The following CNOT6L variants were observed in gnomAD, a reference collection of about 807,000 sequenced individuals.
CNOT6L encodes CCR4-NOT transcription complex subunit 6 like.
CNOT6L carries 7 observed loss-of-function variants against 64.0 expected under a neutral mutation model. That is an observed-to-expected ratio of 0.11 (90% CI 0.06 to 0.21). The LOEUF (loss-of-function observed/expected upper bound fraction) is 0.21, where lower values mean the gene tolerates loss of function less well. Among genes scored for constraint, CNOT6L ranks in the 10% least tolerant of loss-of-function variants. The pLI, the probability that CNOT6L is intolerant of heterozygous loss-of-function variation, is 1.00. For missense variants in CNOT6L, 245 were observed against 669.0 expected (o/e 0.37, Z 6.99); for synonymous variants, 193 against 243.4 (o/e 0.79, Z 1.93).
intron 1 of CNOT6L, among the ~76,000 whole-genome samples, chr4:77,789,400 G>A (rs899489775): frequency 2.0e-5 from 3 of 151,710 alleles, no homozygotes; most frequent in Non-Finnish European, 2.9e-5. Context: ...AGCCAAAGGG[G>A]AAAAAAAAGT....
intron 8 of CNOT6L, among the ~76,000 whole-genome samples, chr4:77,732,104 G>GT (rs1162639611): frequency 6.6e-6 from 1 of 152,108 alleles, no homozygotes; most frequent in Non-Finnish European, 1.5e-5. Context: ...CAGCTAAAGA[G>GT]TAACTGATTT....
At chr4:77,732,324 TTGG>T (rs1442701890) in intron 8 of CNOT6L, among the ~76,000 whole-genome samples, 2 of 152,144 alleles carry the variant, frequency 1.3e-5, no homozygotes, top group Non-Finnish European at 2.9e-5. Flanking sequence ...CAGTGGGATG[TTGG>T]TGAAGTCATT....
chr4:77,721,322 G>T (rs1721255157), intron 11 of CNOT6L, among the ~76,000 whole-genome samples: 1 of 152,132 alleles, frequency 6.6e-6, no homozygotes, highest in African/African-American at 2.4e-5. Flanking sequence ...TTATCTGTCA[G>T]AGCTAGATGA....
intron 4 of CNOT6L, among the ~76,000 whole-genome samples, chr4:77,757,835 G>T (rs1215356493): frequency 1.3e-5 from 2 of 152,030 alleles, no homozygotes; most frequent in Admixed American, 6.6e-5. Flanking sequence ...AAGCAGATGG[G>T]GACTACAAGT....
intron 1 of CNOT6L, among the ~76,000 whole-genome samples, chr4:77,813,631 G>A (rs909412767): frequency 6.6e-6 from 1 of 152,050 alleles, no homozygotes; most frequent in African/African-American, 2.4e-5. Flanking sequence ...CTCCAAAGAG[G>A]ATATACAAAT....
At chr4:77,748,021 A>C (rs1228113748) in intron 6 of CNOT6L, among the ~76,000 whole-genome samples, 1 of 152,214 alleles carries the variant, frequency 6.6e-6, no homozygotes. Flanking sequence ...TTTTAAAACC[A>C]AGGGCTGCAT....
At chr4:77,749,942 C>T (rs1313304565) in intron 5 of CNOT6L, among the ~76,000 whole-genome samples, 1 of 152,086 alleles carries the variant, frequency 6.6e-6, no homozygotes, top group Non-Finnish European at 1.5e-5. Context: ...ATATCCATTA[C>T]AGCATTGTTT....
At chr4:77,785,175 A>G (rs761123690) in intron 1 of CNOT6L, among the ~76,000 whole-genome samples, 1 of 152,250 alleles carries the variant, frequency 6.6e-6, no homozygotes, top group Non-Finnish European at 1.5e-5. Context: ...CCATAGAGAA[A>G]GCACAGATTT....
At chr4:77,721,588 A>C (rs1311259793) in intron 11 of CNOT6L, among the ~76,000 whole-genome samples, 1 of 152,190 alleles carries the variant, frequency 6.6e-6, no homozygotes, top group African/African-American at 2.4e-5. Flanking sequence ...AATGAAAACA[A>C]ATTTTTTTAT....
At chr4:77,751,016 T>C (rs1724795311) in intron 5 of CNOT6L, among the ~76,000 whole-genome samples, 1 of 152,170 alleles carries the variant, frequency 6.6e-6, no homozygotes, top group Non-Finnish European at 1.5e-5. Context: ...GCACTGGTCA[T>C]ACCAAGAACC....
chr4:77,813,209 A>T (rs1237651751), intron 1 of CNOT6L, among the ~76,000 whole-genome samples: 2 of 152,222 alleles, frequency 1.3e-5, no homozygotes, highest in African/African-American at 4.8e-5. Flanking sequence ...TGGATCAAAG[A>T]TCTAAATGTA....
chr4:77,780,741 T>C (rs1198996512), intron 1 of CNOT6L, among the ~76,000 whole-genome samples: 1 of 133,700 alleles, frequency 7.5e-6, no homozygotes, highest in East Asian at 1.9e-4. Context: ...CTTTAATAAA[T>C]TTGTCTTTGG....
In CNOT6L at chr4:77,713,896, C is replaced by G. The variant is rs956329449; in HGVS notation, c.*6535G>C. 2.0e-5 allele frequency: 3 copies of G among 152,472 alleles called. No individual in the cohort carries two copies. The highest frequency in any genetic ancestry group is 4.4e-5 in the Non-Finnish European group (3 of 68,016). 9.4% of individuals were successfully genotyped at this position (152,472 alleles called of 1,614,324 possible). A position where few individuals can be genotyped will look rare whatever the true frequency, so the allele number is the denominator to read the frequency against. ...GAACCAGTCTATTAAACATTAAACA[C>G]TAGCAAGCTACAATTACATGGCACT... On this transcript the variant is annotated 3_prime_UTR_variant, in exon 12 of 12. Transcript: ENST00000504123.
At chr4:77,722,629 A>G (rs1721408842) in intron 11 of CNOT6L, among the ~76,000 whole-genome samples, 1 of 152,178 alleles carries the variant, frequency 6.6e-6, no homozygotes, top group South Asian at 2.1e-4. Context: ...GGCCCCAAGA[A>G]AAAGTTAAAC....
chr4:77,800,706 T>C (rs547840932), intron 1 of CNOT6L, among the ~76,000 whole-genome samples: 1 of 152,168 alleles, frequency 6.6e-6, no homozygotes, highest in Non-Finnish European at 1.5e-5. Context: ...GGGTTTAGAA[T>C]GTGTATAAGC....
At chr4:77,723,571 C>A (rs1438260865) in intron 11 of CNOT6L, among the ~76,000 whole-genome samples, 1 of 152,184 alleles carries the variant, frequency 6.6e-6, no homozygotes, top group Admixed American at 6.6e-5. Flanking sequence ...GAGCTCAATT[C>A]TCTCTACTCA....
chr4:77,719,271 TGACA>T lies in CNOT6L; in HGVS notation c.*1156_*1159del, dbSNP rs1262961378. ...AACCAGTAGCTTCTTAATTCAACCC[TGACA>T]GACAACTGAAACAAAGATTAAAAGC... On this transcript the variant is annotated 3_prime_UTR_variant, in exon 12 of 12. Coordinates refer to ENST00000504123, the MANE Select transcript of CNOT6L (RefSeq NM_144571.3). 1 of 152,592 alleles carries T rather than the reference TGACA, an allele frequency of 6.6e-6. No individual in the cohort carries two copies. The highest frequency in any genetic ancestry group is 1.5e-5 in the Non-Finnish European group (1 of 68,012). The allele number at this position is 152,592 out of a possible 1,614,324, so 9.5% of individuals were successfully genotyped here. A position where few individuals can be genotyped will look rare whatever the true frequency, so the allele number is the denominator to read the frequency against.
rs760211826 is a variant in CNOT6L at position 77,773,145 on chromosome 4, A to G, written c.336T>C (p.Asn112=). 2.7e-5 allele frequency: 42 copies of G among 1,582,850 alleles called. No homozygotes were observed. Among genetic ancestry groups the G allele is most frequent in the Middle Eastern group, 1.9e-4 (1 of 5,160 alleles). The change falls in exon 4 of 12, where the codon AAT becomes AAC. Residue 112 remains asparagine (N), a synonymous_variant. Coordinates refer to ENST00000504123, the MANE Select transcript of CNOT6L (RefSeq NM_144571.3). ...VSLRELLLNN[N]LLRVLPYELG... is the part of the protein sequence containing the mutation. ...GTTCATAAGGCAAAACCCGTAACAG[A>G]TTGTTATTTAAAAGCAATTCCCTGT...
intron 8 of CNOT6L, 178 bp from the exon 9 acceptor site, chr4:77,731,716 G>A: frequency 2.1e-6 from 1 of 479,656 alleles, no homozygotes; most frequent in Non-Finnish European, 3.6e-6. Flanking sequence ...TTTCTCAGAG[G>A]CCCCACCTAA....
Sources: gnomAD v4.1 joint callset for allele counts (sites outside exome capture counted in the v4.1 genomes callset) on GRCh38, gnomAD v4.1.1 for gene constraint, MANE v1.5 for transcripts, NCBI Gene and HGNC (gene_info 2026-07-23, HGNC 2026-07-21) for gene names.